Variants in POFUT3 observed in about 807,000 individuals in gnomAD.
POFUT3 encodes the protein protein O-fucosyltransferase 3.
chr8:33,383,896 T>TC, the POFUT3 span, among the ~76,000 whole-genome samples: 1 of 150,728 alleles, frequency 6.6e-6, no homozygotes, highest in African/African-American at 2.4e-5. Flanking sequence ...CAAGGAGTTT[T>TC]CCCCATCATA....
chr8:33,372,247 C>G, the POFUT3 span: 1 of 1,046,888 alleles, frequency 9.6e-7, no homozygotes, highest in South Asian at 3.8e-5. Flanking sequence ...GAATCTATAG[C>G]TAGATCGTCT....
the POFUT3 span, among the ~76,000 whole-genome samples, chr8:33,309,400 G>A: frequency 4.2e-5 from 6 of 142,778 alleles, no homozygotes; most frequent in African/African-American, 1.1e-4. Flanking sequence ...TGCGTCTTCC[G>A]CACAAAACAG....
At chr8:33,364,621 A>T in the POFUT3 span, among the ~76,000 whole-genome samples, 2 of 152,100 alleles carry the variant, frequency 1.3e-5, no homozygotes, top group African/African-American at 2.4e-5. Context: ...ATTCCTACAC[A>T]CCATTAACAG....
the POFUT3 span, among the ~76,000 whole-genome samples, chr8:33,395,081 T>A: frequency 1.3e-5 from 2 of 152,122 alleles, no homozygotes; most frequent in African/African-American, 4.8e-5. Flanking sequence ...GCAATTAGGT[T>A]TTACAACTAG....
At chr8:33,370,709 T>C in the POFUT3 span, 1 of 152,194 alleles carries the variant, frequency 6.6e-6, no homozygotes, top group South Asian at 2.1e-4. Flanking sequence ...GCACTGGGTA[T>C]TTGCTGAAGG....
chr8:33,358,539 T>G, the POFUT3 span, among the ~76,000 whole-genome samples: 1 of 152,240 alleles, frequency 6.6e-6, no homozygotes, highest in Non-Finnish European at 1.5e-5. Flanking sequence ...GGTGCAATAA[T>G]GCTCTTGTGA....
chr8:33,362,751 G>A, the POFUT3 span, among the ~76,000 whole-genome samples: 4 of 152,016 alleles, frequency 2.6e-5, no homozygotes, highest in African/African-American at 4.8e-5. Context: ...CCCCATACAG[G>A]AGCACCCAGA....
At chr8:33,410,964 G>C in the POFUT3 span, among the ~76,000 whole-genome samples, 1 of 152,056 alleles carries the variant, frequency 6.6e-6, no homozygotes, top group African/African-American at 2.4e-5. Context: ...CCACTCACTC[G>C]GGTTTCCTAT....
chr8:33,376,252 A>G, the POFUT3 span, among the ~76,000 whole-genome samples: 1 of 152,132 alleles, frequency 6.6e-6, no homozygotes, highest in African/African-American at 2.4e-5. Flanking sequence ...ACAATCCATT[A>G]TGTGTCAGGT....
the POFUT3 span, among the ~76,000 whole-genome samples, chr8:33,354,378 T>G: frequency 6.6e-6 from 1 of 152,090 alleles, no homozygotes; most frequent in Admixed American, 6.6e-5. Context: ...GAGGAGCTGA[T>G]GATGTAAGCC....
At chr8:33,347,393 A>G in the POFUT3 span, among the ~76,000 whole-genome samples, 1 of 152,222 alleles carries the variant, frequency 6.6e-6, no homozygotes. Context: ...AATTATCTAA[A>G]TTAATTATCC....
chr8:33,378,094 T>G, the POFUT3 span, among the ~76,000 whole-genome samples: 7 of 152,188 alleles, frequency 4.6e-5, no homozygotes, highest in Non-Finnish European at 7.3e-5. Flanking sequence ...AAAGCTCTTT[T>G]CTATGGACCT....
At chr8:33,319,546 TA>T in the POFUT3 span, among the ~76,000 whole-genome samples, 1 of 25,608 alleles carries the variant, frequency 3.9e-5, no homozygotes, top group African/African-American at 2.1e-4. Flanking sequence ...ATATAATATA[TA>T]AATATATATA....
At chr8:33,318,573 AATATATTGTAT>A in the POFUT3 span, among the ~76,000 whole-genome samples, 1 of 87,898 alleles carries the variant, frequency 1.1e-5, no homozygotes, top group African/African-American at 5.4e-5. Flanking sequence ...ATAATATATA[AATATATTGTAT>A]ATATATTTAT....
chr8:33,440,239 A>G, the POFUT3 span, among the ~76,000 whole-genome samples: 1 of 152,104 alleles, frequency 6.6e-6, no homozygotes. Flanking sequence ...GCATGCGCCT[A>G]TAGTCCTAGC....
At chr8:33,318,868 AT>A in the POFUT3 span, among the ~76,000 whole-genome samples, 6 of 54,862 alleles carry the variant, frequency 1.1e-4, 1 homozygote, top group South Asian at 2.1e-3. Flanking sequence ...TTTTATATAT[AT>A]TTTTTATATC....
the POFUT3 span, among the ~76,000 whole-genome samples, chr8:33,334,402 G>A: frequency 1.3e-5 from 2 of 152,058 alleles, no homozygotes; most frequent in South Asian, 2.1e-4. Context: ...ATTTTTAGTA[G>A]AGACAGGGTT....
chr8:33,364,824 A>G, the POFUT3 span, among the ~76,000 whole-genome samples: 1 of 152,224 alleles, frequency 6.6e-6, no homozygotes, highest in Non-Finnish European at 1.5e-5. Context: ...AATAGCGTGA[A>G]AATGGCCACC....
chr8:33,308,312 A>G, the POFUT3 span, among the ~76,000 whole-genome samples: 1 of 152,246 alleles, frequency 6.6e-6, no homozygotes, highest in Non-Finnish European at 1.5e-5. Context: ...AAATTAATCT[A>G]AAAGAAGGCA....
Sources: gnomAD v4.1 joint callset for allele counts (sites outside exome capture counted in the v4.1 genomes callset) on GRCh38, gnomAD v4.1.1 for gene constraint, MANE v1.5 for transcripts, NCBI Gene and HGNC (gene_info 2026-07-23, HGNC 2026-07-21) for gene names.